The following SYT1 variants were observed in gnomAD, a reference collection of about 807,000 sequenced individuals.
The protein encoded by SYT1 is synaptotagmin 1.
Under a neutral mutation model 44.8 loss-of-function variants are expected in SYT1, and 8 were observed. The observed-to-expected ratio is 0.18, with a 90% confidence interval of 0.10 to 0.32. The LOEUF is 0.32. Among genes scored for constraint, SYT1 ranks in the 10% least tolerant of loss-of-function variants. SYT1 has a pLI of 1.00. For synonymous variants in SYT1, 154 were observed against 188.8 expected (o/e 0.82, Z 1.51); for missense variants, 286 against 509.3 (o/e 0.56, Z 4.22).
chr12:79,293,533 G>T, intron 6 of SYT1, among the ~76,000 whole-genome samples: 1 of 152,012 alleles, frequency 6.6e-6, no homozygotes, highest in East Asian at 1.9e-4. Context: ...ACAGTTACTA[G>T]TAATGCAGCA....
intron 4 of SYT1, among the ~76,000 whole-genome samples, chr12:79,228,867 T>C (rs994662399): frequency 6.6e-6 from 1 of 152,146 alleles, no homozygotes; most frequent in Non-Finnish European, 1.5e-5. Flanking sequence ...TAATACATTG[T>C]TGGGGTTTTT....
rs761431834 is a variant in SYT1, at chr12:78,934,835, C to CT, written c.-216-42963dup. Among the ~76,000 whole-genome samples, 18 of 152,298 alleles carry CT rather than the reference C, an allele frequency of 1.2e-4. 1 individual carries two copies. The highest frequency in any genetic ancestry group is 5.9e-4 in the Admixed American group (9 of 15,294). On this transcript the variant is annotated intron_variant, in intron 1 of 10. Coordinates refer to ENST00000261205, the MANE Select transcript of SYT1 (RefSeq NM_005639.3). ...GAAAGTATTAGAAGCATGGTGATGGCTGCACGGCCTCCACATTCTCTGCGG... is the reference window on the plus strand; with the variant it reads ...GAAAGTATTAGAAGCATGGTGATGGCTTGCACGGCCTCCACATTCTCTGCGG...
intron 10 of SYT1, among the ~76,000 whole-genome samples, chr12:79,448,002 C>T (rs201405171): frequency 6.6e-6 from 1 of 152,162 alleles, no homozygotes; most frequent in East Asian, 1.9e-4. Context: ...CTTACCTTTA[C>T]ACTCAGCTGC....
intron 8 of SYT1, among the ~76,000 whole-genome samples, chr12:79,308,160 A>C (rs1409532994): frequency 1.3e-5 from 2 of 152,216 alleles, no homozygotes; most frequent in Non-Finnish European, 2.9e-5. Context: ...AAGTCATGCC[A>C]ATATGAAGCA....
At chr12:79,293,156 CA>C (rs746607482) in intron 6 of SYT1, among the ~76,000 whole-genome samples, 41,064 of 107,244 alleles carry the variant, frequency 0.38, 6,837 homozygotes, top group East Asian at 0.6. Flanking sequence ...ACAAAAAATA[CA>C]AAAAAAAAAA....
intron 3 of SYT1, among the ~76,000 whole-genome samples, chr12:79,133,377 C>T (rs1264123765): frequency 6.6e-6 from 1 of 151,906 alleles, no homozygotes; most frequent in Non-Finnish European, 1.5e-5. Flanking sequence ...GAGTGAGACC[C>T]TGTCTCAAAA....
intron 1 of SYT1, among the ~76,000 whole-genome samples, chr12:78,892,883 CT>C (rs1260674140): frequency 2.6e-5 from 4 of 151,746 alleles, no homozygotes; most frequent in African/African-American, 9.7e-5. Context: ...AGTAAACTCA[CT>C]TTCACAGAGA....
chr12:79,108,200 G>C (rs1159195177), intron 3 of SYT1, among the ~76,000 whole-genome samples: 1 of 151,566 alleles, frequency 6.6e-6, no homozygotes, highest in African/African-American at 2.4e-5. Context: ...GAGGGGTGAG[G>C]CTATTTCTTT....
chr12:78,965,708 C>G (rs1879732915), intron 1 of SYT1, among the ~76,000 whole-genome samples: 1 of 152,120 alleles, frequency 6.6e-6, no homozygotes, highest in Non-Finnish European at 1.5e-5. Flanking sequence ...AGATCGGTCT[C>G]CAGGCCCCAT....
chr12:79,249,590 CA>C (rs1877075326), intron 4 of SYT1, among the ~76,000 whole-genome samples: 1 of 152,072 alleles, frequency 6.6e-6, no homozygotes, highest in Non-Finnish European at 1.5e-5. Context: ...GAGATGGCAT[CA>C]AAGCATTTTG....
At chr12:79,256,811 T>G (rs576000690) in intron 4 of SYT1, among the ~76,000 whole-genome samples, 1 of 152,350 alleles carries the variant, frequency 6.6e-6, no homozygotes, top group African/African-American at 2.4e-5. Flanking sequence ...TGCCTTACAC[T>G]TGAGTTTTAT....
At chr12:78,985,149 T>A (rs998014129) in intron 2 of SYT1, among the ~76,000 whole-genome samples, 6 of 152,084 alleles carry the variant, frequency 3.9e-5, no homozygotes, top group East Asian at 1.9e-4. Flanking sequence ...TGATTTTTTT[T>A]AAAAGACAGC....
chr12:79,357,004 CAA>C (rs1313654042), intron 9 of SYT1, among the ~76,000 whole-genome samples: 1 of 152,096 alleles, frequency 6.6e-6, no homozygotes, highest in Non-Finnish European at 1.5e-5. Flanking sequence ...TTAATTCAGG[CAA>C]ACGTATCAGT....
intron 3 of SYT1, among the ~76,000 whole-genome samples, chr12:79,169,400 A>G (rs896184783): frequency 6.6e-6 from 1 of 151,238 alleles, no homozygotes; most frequent in Non-Finnish European, 1.5e-5. Flanking sequence ...TCTAGAAAGA[A>G]TGTAAGAACT....
In SYT1 at chr12:79,214,941, A is replaced by ATGTG. The variant is rs71091652; in HGVS notation, c.-17-2526_-17-2523dup. Among the ~76,000 whole-genome samples the ATGTG allele has an allele frequency of 1.9e-3, 285 of 148,544 alleles. 2 individuals are homozygous for ATGTG. The highest frequency in any genetic ancestry group is 6.0e-3 in the East Asian group (30 of 5,018). On this transcript the variant is annotated intron_variant, in intron 3 of 10. Transcript: ENST00000261205. Reference sequence around the variant, plus strand: ...TACGTGCCTGTAATAATGTGTGTATATGTGTGTGTGTGTGTGTGTGTGTGT... The same window carrying ATGTG: ...TACGTGCCTGTAATAATGTGTGTATATGTGTGTGTGTGTGTGTGTGTGTGTGTGT...
chr12:79,409,180 T>C (rs564255178), intron 9 of SYT1, among the ~76,000 whole-genome samples: 1 of 152,268 alleles, frequency 6.6e-6, no homozygotes, highest in East Asian at 1.9e-4. Context: ...GAAACATCTA[T>C]TAATTTGGTG....
intron 3 of SYT1, among the ~76,000 whole-genome samples, chr12:79,133,954 T>C (rs1057014958): frequency 2.1e-4 from 32 of 152,208 alleles, no homozygotes; most frequent in African/African-American, 7.5e-4. Context: ...GTCCATAGAT[T>C]GCAGGCTTCA....
intron 4 of SYT1, among the ~76,000 whole-genome samples, chr12:79,254,625 C>T (rs1245830): frequency 0.71 from 108,039 of 152,100 alleles, 38,903 homozygotes; most frequent in African/African-American, 0.79. Context: ...AGTTATTCTT[C>T]TAATGCAGCT....
At chr12:79,271,591 C>T (rs1878429812) in intron 4 of SYT1, among the ~76,000 whole-genome samples, 1 of 152,144 alleles carries the variant, frequency 6.6e-6, no homozygotes, top group African/African-American at 2.4e-5. Flanking sequence ...AGCACTGTAT[C>T]CCAATCCTGA....
Sources: gnomAD v4.1 joint callset for allele counts (sites outside exome capture counted in the v4.1 genomes callset) on GRCh38, gnomAD v4.1.1 for gene constraint, MANE v1.5 for transcripts, NCBI Gene and HGNC (gene_info 2026-07-23, HGNC 2026-07-21) for gene names.